CPLX1: variants seen among roughly 807,000 people sequenced by gnomAD.
The protein encoded by CPLX1 is complexin-1.
A neutral mutation model predicts 15.6 loss-of-function variants in CPLX1; 6 were observed. That is an observed-to-expected ratio of 0.39 (90% confidence interval 0.21 to 0.76). The LOEUF (loss-of-function observed/expected upper bound fraction) is 0.76. Among genes scored for constraint, CPLX1 ranks in the 30% least tolerant of loss-of-function variants. The pLI is 0.43. For synonymous variants in CPLX1, 91 were observed against 75.2 expected (o/e 1.21, Z -1.08); for missense variants, 242 against 188.6 (o/e 1.28, Z -1.66).
chr4:824,643 C>T (rs759249310), intron 1 of CPLX1, 42 bp from the exon 2 acceptor site: 4 of 1,031,634 alleles, frequency 3.9e-6, no homozygotes, highest in South Asian at 3.8e-5. Flanking sequence ...CTAAGCAGGC[C>T]CCTGCCTGGC....
chr4:800,885 C>T (rs1201941480), intron 2 of CPLX1, among the ~76,000 whole-genome samples: 3 of 150,750 alleles, frequency 2.0e-5, no homozygotes, highest in South Asian at 2.1e-4. Flanking sequence ...GACATGGTGA[C>T]GGGCACCCGT....
At chr4:787,692 G>C in intron 3 of CPLX1, 2 of 985,266 alleles carry the variant, frequency 2.0e-6, no homozygotes, top group Non-Finnish European at 2.4e-6. Flanking sequence ...GTGGGATTTT[G>C]TTCTTCTGCC....
intron 2 of CPLX1, chr4:804,970 C>T (rs1299661341): frequency 2.5e-5 from 25 of 983,296 alleles, no homozygotes; most frequent in Non-Finnish European, 2.9e-5. Flanking sequence ...TCCTGCGCGG[C>T]GGCCGGCTAG....
intron 1 of CPLX1, 141 bp from the exon 2 acceptor site, chr4:824,742 G>T (rs1463680327): frequency 2.9e-6 from 2 of 695,788 alleles, no homozygotes; most frequent in South Asian, 3.0e-5. Flanking sequence ...AGTCCTTCGT[G>T]AGGGGCTTCT....
chr4:791,665 G>T (rs1305616244), intron 3 of CPLX1, among the ~76,000 whole-genome samples: 1 of 152,200 alleles, frequency 6.6e-6, no homozygotes, highest in Admixed American at 6.5e-5. Flanking sequence ...CAGGGCAGGG[G>T]ACTGAGGCCA....
chr4:812,558 A>T (rs1327899304), intron 2 of CPLX1, among the ~76,000 whole-genome samples: 1 of 152,172 alleles, frequency 6.6e-6, no homozygotes, highest in African/African-American at 2.4e-5. Flanking sequence ...AGTGTGGGGA[A>T]ATTATCTTCA....
chr4:809,059 T>C lies in CPLX1; in HGVS notation c.31+15433A>G, dbSNP rs570936179. On this transcript the variant is annotated intron_variant, in intron 2 of 3. Transcript: ENST00000304062. ...CAGCGAGAATGTCAGTGCTGAACGC[T>C]GGGCCAGAGCGGGAGGAGAGTCTGG... 3.8e-3 allele frequency among the ~76,000 whole-genome samples: 574 copies of C among 152,366 alleles called. 4 individuals are homozygous for C. The highest frequency in any genetic ancestry group is 0.013 in the African/African-American group (549 of 41,588).
chr4:822,079 C>T (rs1746875222), intron 2 of CPLX1, among the ~76,000 whole-genome samples: 1 of 151,724 alleles, frequency 6.6e-6, no homozygotes, highest in Non-Finnish European at 1.5e-5. Flanking sequence ...TCTCTCTCCC[C>T]ACTGTCTCTC....
At chr4:796,547 T>G (rs1370198491) in intron 2 of CPLX1, among the ~76,000 whole-genome samples, 1 of 152,228 alleles carries the variant, frequency 6.6e-6, no homozygotes, top group Admixed American at 6.5e-5. Flanking sequence ...CCTCCTAAAG[T>G]GCTGGGATTA....
chr4:791,450 C>T (rs945788376), intron 3 of CPLX1, among the ~76,000 whole-genome samples: 4 of 152,176 alleles, frequency 2.6e-5, no homozygotes, highest in Non-Finnish European at 4.4e-5. Flanking sequence ...GCACCTGCCC[C>T]GCCCCTGCCC....
chr4:789,629 G>A (rs948917751), intron 3 of CPLX1, among the ~76,000 whole-genome samples: 1 of 152,194 alleles, frequency 6.6e-6, no homozygotes, highest in African/African-American at 2.4e-5. Flanking sequence ...GACAAGGGCG[G>A]GTCAGTGCGC....
chr4:786,330 G>A lies in CPLX1; in HGVS notation c.*171C>T, dbSNP rs1373056511. 2 of 582,562 alleles carry A rather than the reference G, an allele frequency of 3.4e-6. No individual in the cohort carries two copies. 36.1% of individuals were successfully genotyped at this position (582,562 alleles called of 1,614,324 possible). A position where few individuals can be genotyped will look rare whatever the true frequency, so the allele number is the denominator to read the frequency against. On this transcript the variant is annotated 3_prime_UTR_variant, in exon 4 of 4. Coordinates refer to ENST00000304062, the MANE Select transcript of CPLX1 (RefSeq NM_006651.4). ...ACGGGGCGGACTGGGGGGGTCCTGG[G>A]GGCGCGCGCCCCTTGCCGGGTGAGG... is the stretch of plus-strand genomic sequence containing the variant.
chr4:800,053 C>T (rs1218741675), intron 2 of CPLX1, among the ~76,000 whole-genome samples: 2 of 152,038 alleles, frequency 1.3e-5, no homozygotes, highest in African/African-American at 4.8e-5. Flanking sequence ...TGGGACTGAG[C>T]CCTCAACGTG....
At chr4:788,592 C>T (rs1746073109) in intron 3 of CPLX1, 1 of 985,476 alleles carries the variant, frequency 1.0e-6, no homozygotes, top group Non-Finnish European at 1.2e-6. Flanking sequence ...CAGAACAAAG[C>T]CCTGACCCTG....
chr4:799,451 C>CG (rs1560240759), intron 2 of CPLX1, among the ~76,000 whole-genome samples: 4 of 152,172 alleles, frequency 2.6e-5, no homozygotes, highest in African/African-American at 9.6e-5. Flanking sequence ...CCCAGCTCCA[C>CG]GGGGTGGAAG....
At chr4:786,859 C>CA in intron 3 of CPLX1, 161 bp from the exon 4 acceptor site, 1 of 982,418 alleles carries the variant, frequency 1.0e-6, no homozygotes. Context: ...GACCCCACCC[C>CA]GGGGGGTCCC....
chr4:807,476 A>G, intron 2 of CPLX1, among the ~76,000 whole-genome samples: 1 of 145,386 alleles, frequency 6.9e-6, no homozygotes, highest in Non-Finnish European at 1.5e-5. Context: ...CCGGAACTTA[A>G]TTTTTTTTTT....
At chr4:824,700 G>A in intron 1 of CPLX1, 99 bp from the exon 2 acceptor site, 1 of 739,750 alleles carries the variant, frequency 1.4e-6, no homozygotes, top group Non-Finnish European at 2.4e-6. Flanking sequence ...TTGTGGGCTG[G>A]ACCCTCCCCC....
chr4:788,664 C>G, intron 3 of CPLX1: 1 of 891,708 alleles, frequency 1.1e-6, no homozygotes, highest in Non-Finnish European at 1.3e-6. Flanking sequence ...GGCAGCAGCT[C>G]CAGGCACGGA....
Sources: gnomAD v4.1 joint callset for allele counts (sites outside exome capture counted in the v4.1 genomes callset) on GRCh38, gnomAD v4.1.1 for gene constraint, MANE v1.5 for transcripts, NCBI Gene and HGNC (gene_info 2026-07-23, HGNC 2026-07-21) for gene names.